PCDHGA2: variants seen among roughly 807,000 people sequenced by gnomAD.
PCDHGA2 encodes protocadherin gamma-A2.
In PCDHGA2, 40 loss-of-function variants were observed where a neutral mutation model predicts 59.2. That is an observed-to-expected ratio of 0.68 (90% CI 0.52 to 0.88). The LOEUF (loss-of-function observed/expected upper bound fraction) is 0.88. Ranked by LOEUF, PCDHGA2 falls within the 40% of genes least tolerant of loss-of-function variation. The pLI, the probability that PCDHGA2 is intolerant of heterozygous loss-of-function variation, is 0.00. For missense variants in PCDHGA2, 1,226 were observed against 1,204.0 expected, an observed-to-expected ratio of 1.02 and a Z score of -0.27; for synonymous variants, 560 against 526.0, an observed-to-expected ratio of 1.06 and a Z score of -0.89.
At chr5:141,421,875 A>C (rs1345376105) in intron 1 of PCDHGA2, 2 of 1,613,648 alleles carry the variant, frequency 1.2e-6, no homozygotes, top group South Asian at 2.2e-5. Flanking sequence ...TCACAGCTTT[A>C]GATGGAGGCG....
In PCDHGA2 at chr5:141,373,351, T is replaced by A. The variant is rs147280674; in HGVS notation, c.2424+31956T>A. Among the ~76,000 whole-genome samples, 5 of 152,328 alleles carry A rather than the reference T, an allele frequency of 3.3e-5. No homozygotes were observed. In the East Asian group the frequency reaches 7.7e-4, roughly 23 times the overall value. On this transcript the variant is annotated intron_variant, in intron 1 of 3. Transcript: ENST00000394576. ...GCATCTAAAATGGCAACTCTTGTAA[T>A]GGGCACTGTAATGAATTGGTTCAAA...
intron 1 of PCDHGA2, chr5:141,376,190 G>T: frequency 6.2e-7 from 1 of 1,614,116 alleles, no homozygotes; most frequent in African/African-American, 1.3e-5. Flanking sequence ...GGTCTCCTGC[G>T]TCTTCCTGGC....
At chr5:141,433,085 G>A in intron 1 of PCDHGA2, 1 of 1,614,170 alleles carries the variant, frequency 6.2e-7, no homozygotes, top group Non-Finnish European at 8.5e-7. Flanking sequence ...GCCCAACTAT[G>A]CAGACATGCT....
chr5:141,415,487 A>C, intron 1 of PCDHGA2: 1 of 1,614,170 alleles, frequency 6.2e-7, no homozygotes, highest in Non-Finnish European at 8.5e-7. Context: ...CGAAAGAGTC[A>C]CCTGATCTTC....
At position 141,418,815 on chromosome 5, in the gene PCDHGA2, T is replaced by C. The variant is rs368396202; in HGVS notation, c.2425-75992T>C. The stretch of plus-strand genomic sequence containing the variant: ...GAAGTAGAAAGATATACGATAAACA[T>C]AGAAGCAAAAGACCGAGGATCTCTC... On this transcript the variant is annotated intron_variant, in intron 1 of 3. Transcript: ENST00000394576. 509 of 1,613,744 alleles carry C rather than the reference T, an allele frequency of 3.2e-4. No homozygotes were observed. The highest frequency in any genetic ancestry group is 4.1e-4 in the Non-Finnish European group (488 of 1,179,804).
In PCDHGA2 at chr5:141,375,730, C is replaced by A. The variant is rs763067110; in HGVS notation, c.2424+34335C>A. On this transcript the variant is annotated intron_variant, in intron 1 of 3. Coordinates refer to ENST00000394576, the MANE Select transcript of PCDHGA2 (RefSeq NM_018915.4). ...CTCTTAGCAGCAACGTGTCACTGAG[C>A]CTGTTTGTGCTGGACCAGAATGACA... 4 of 1,614,266 alleles carry A rather than the reference C, an allele frequency of 2.5e-6. No homozygotes were observed. Among genetic ancestry groups the A allele is most frequent in the Non-Finnish European group, 3.4e-6 (4 of 1,180,050 alleles).
intron 1 of PCDHGA2, chr5:141,351,724 G>A (rs749407581): frequency 6.2e-7 from 1 of 1,613,806 alleles, no homozygotes; most frequent in East Asian, 2.2e-5. Flanking sequence ...ACTCTATTCT[G>A]GCCAGTGACC....
At position 141,431,698 on chromosome 5, in the gene PCDHGA2, AT is replaced by A. The variant is rs2097408637; in HGVS notation, c.2425-63107del. ...GGGAGTTGGACCACGAGGAGTCAGG[AT>A]TCTACCAGATGGAAGTGCAAGCAAT... On this transcript the variant is annotated intron_variant, in intron 1 of 3. Coordinates refer to ENST00000394576, the MANE Select transcript of PCDHGA2 (RefSeq NM_018915.4). The surrounding 1 kb of genome is among the most constrained non-coding windows in gnomAD (Gnocchi z 4.8). 4.3e-6 allele frequency: 7 copies of A among 1,614,104 alleles called. 1 individual carries two copies. The South Asian group carries it at 7.7e-5, about 18-fold the overall frequency.
In PCDHGA2 at chr5:141,360,170, G is replaced by A; in HGVS notation, c.2424+18775G>A. ...AGCTCAGGGAGGTGCGGGCTGGTGCGGTGGCTGCAGGTACTGTTGCCCTTC... is the reference window on the plus strand; with the variant it reads ...AGCTCAGGGAGGTGCGGGCTGGTGCAGTGGCTGCAGGTACTGTTGCCCTTC... On this transcript the variant is annotated intron_variant, in intron 1 of 3. Transcript: ENST00000394576. 3.1e-6 allele frequency: 5 copies of A among 1,607,748 alleles called. No individual in the cohort carries two copies. Among genetic ancestry groups the A allele is most frequent in the South Asian group, 1.1e-5 (1 of 90,112 alleles).
intron 1 of PCDHGA2, chr5:141,371,621 C>T: frequency 6.2e-7 from 1 of 1,613,986 alleles, no homozygotes; most frequent in Middle Eastern, 1.6e-4. Flanking sequence ...CAGATGGAGC[C>T]CTGGACCGGG....
chr5:141,462,198 G>C (rs2099034283), intron 1 of PCDHGA2, among the ~76,000 whole-genome samples: 1 of 152,182 alleles, frequency 6.6e-6, no homozygotes, highest in Non-Finnish European at 1.5e-5. Context: ...GACCTCAGGT[G>C]ATCCGCCTGC....
chr5:141,344,921 A>G (rs371528131), intron 1 of PCDHGA2: 67 of 1,613,822 alleles, frequency 4.2e-5, no homozygotes, highest in Non-Finnish European at 5.0e-5. Flanking sequence ...ATCTTAACTC[A>G]GTGAGTGGAG....
chr5:141,375,743 G>C, intron 1 of PCDHGA2: 2 of 1,614,238 alleles, frequency 1.2e-6, no homozygotes, highest in East Asian at 2.2e-5. Flanking sequence ...GTTTGTGCTG[G>C]ACCAGAATGA....
intron 1 of PCDHGA2, chr5:141,430,836 C>T: frequency 6.4e-7 from 1 of 1,558,936 alleles, no homozygotes; most frequent in South Asian, 1.2e-5. Context: ...CTGTGGGAGA[C>T]CGGATGCACC....
chr5:141,417,900 G>C, intron 1 of PCDHGA2: 2 of 1,583,452 alleles, frequency 1.3e-6, no homozygotes, highest in Non-Finnish European at 1.7e-6. Context: ...GCCGGCCCGC[G>C]GCAGGTACTA....
At chr5:141,357,503 T>C (rs1001739432) in intron 1 of PCDHGA2, 2 of 1,614,126 alleles carry the variant, frequency 1.2e-6, no homozygotes, top group African/African-American at 2.7e-5. Flanking sequence ...AAGAGTCACC[T>C]GATCTTCTCC....
At chr5:141,484,050 C>T (rs1262678828) in intron 1 of PCDHGA2, among the ~76,000 whole-genome samples, 1 of 151,984 alleles carries the variant, frequency 6.6e-6, no homozygotes, top group Non-Finnish European at 1.5e-5. Flanking sequence ...CAAGAGGTCC[C>T]CTGGGGCTAA....
intron 1 of PCDHGA2, chr5:141,408,016 A>G (rs991619128): frequency 9.9e-7 from 1 of 1,014,516 alleles, no homozygotes; most frequent in Admixed American, 3.2e-5. Flanking sequence ...TGCGCAGCCA[A>G]CAACAGAAAG....
At chr5:141,365,502 C>T (rs373907411) in intron 1 of PCDHGA2, 5 of 1,613,918 alleles carry the variant, frequency 3.1e-6, no homozygotes, top group East Asian at 2.2e-5. Context: ...AGGAATTTGC[C>T]TTTTAAATTG....
Sources: allele counts gnomAD v4.1 joint callset (sites outside exome capture counted in the v4.1 genomes callset), GRCh38; gene constraint gnomAD v4.1.1; non-coding constraint Gnocchi (gnomAD v3.1); transcripts MANE v1.5; gene names NCBI Gene and HGNC (gene_info 2026-07-23, HGNC 2026-07-21).